Variants in SMARCA2 observed in about 807,000 individuals in gnomAD.
SMARCA2 encodes the protein SWI/SNF related BAF chromatin remodeling complex subunit ATPase 2.
Under a neutral mutation model 199.8 loss-of-function variants are expected in SMARCA2, and 61 were observed. That is an observed-to-expected ratio of 0.31 (90% confidence interval 0.25 to 0.38). The LOEUF (loss-of-function observed/expected upper bound fraction) is 0.38, where lower values mean the gene tolerates loss of function less well. SMARCA2 is among the 10% of genes least tolerant of loss of function. The pLI, the probability that SMARCA2 is intolerant of heterozygous loss-of-function variation, is 1.00. For missense variants in SMARCA2, 1,344 were observed against 2,012.2 expected, an observed-to-expected ratio of 0.67 and a Z score of 6.35; for synonymous variants, 935 against 732.0, an observed-to-expected ratio of 1.28 and a Z score of -4.48.
At chr9:2,044,826 ATCTC>A (rs967061691) in intron 4 of SMARCA2, 13 of 152,292 alleles carry the variant, frequency 8.5e-5, no homozygotes, top group Admixed American at 6.5e-4. Context: ...AGATGTTTGA[ATCTC>A]TCTCTGTCTT....
intron 1 of SMARCA2, among the ~76,000 whole-genome samples, chr9:2,022,470 T>G (rs530519072): frequency 1.3e-3 from 201 of 152,296 alleles, no homozygotes; most frequent in Non-Finnish European, 2.2e-3. Flanking sequence ...TATTATCCAT[T>G]TTAACTGCAA....
chr9:2,146,950 C>G (rs999529903), intron 27 of SMARCA2, among the ~76,000 whole-genome samples: 5 of 152,158 alleles, frequency 3.3e-5, no homozygotes, highest in Non-Finnish European at 7.3e-5. Flanking sequence ...CCATCTCATC[C>G]TGTGACTGAC....
At chr9:2,145,304 CAAAAAAAAAAA>C (rs56314428) in intron 27 of SMARCA2, among the ~76,000 whole-genome samples, 38,899 of 132,092 alleles carry the variant, frequency 0.29, 5,213 homozygotes, top group Middle Eastern at 0.44. Flanking sequence ...ACTCTTGTCT[CAAAAAAAAAAA>C]AAAAAAAAAA....
At chr9:2,152,599 C>G (rs1397376410) in intron 27 of SMARCA2, among the ~76,000 whole-genome samples, 17 of 150,844 alleles carry the variant, frequency 1.1e-4, no homozygotes, top group Admixed American at 1.1e-3. Context: ...CACCTGTAAT[C>G]CCAGCGCTTT....
At chr9:2,153,706 A>T (rs917429144) in intron 27 of SMARCA2, among the ~76,000 whole-genome samples, 7 of 152,202 alleles carry the variant, frequency 4.6e-5, no homozygotes, top group Non-Finnish European at 1.0e-4. Flanking sequence ...GTTTAGACAT[A>T]AATTTTTTAA....
At chr9:2,111,628 G>A (rs565862133) in intron 24 of SMARCA2, among the ~76,000 whole-genome samples, 30 of 152,212 alleles carry the variant, frequency 2.0e-4, no homozygotes, top group Non-Finnish European at 4.4e-4. Flanking sequence ...ACTGGGTTGC[G>A]AAGACTGAGT....
intron 27 of SMARCA2, chr9:2,157,744 C>T (rs1466799923): frequency 5.1e-6 from 2 of 393,196 alleles, no homozygotes; most frequent in Non-Finnish European, 9.0e-6. Context: ...TTGCGTGTCC[C>T]TGTTTACCTA....
intron 17 of SMARCA2, among the ~76,000 whole-genome samples, chr9:2,084,754 T>C (rs1821727239): frequency 6.6e-6 from 1 of 152,170 alleles, no homozygotes; most frequent in Non-Finnish European, 1.5e-5. Context: ...TTAAGGTTGT[T>C]TCTGTGACTA....
chr9:2,035,654 A>C (rs1819298109), intron 3 of SMARCA2, among the ~76,000 whole-genome samples: 1 of 152,160 alleles, frequency 6.6e-6, no homozygotes, highest in South Asian at 2.1e-4. Flanking sequence ...TTGTTCAATT[A>C]GGTGTGGAAG....
intron 1 of SMARCA2, among the ~76,000 whole-genome samples, chr9:2,026,329 T>C (rs1361064475): frequency 1.3e-5 from 2 of 152,240 alleles, no homozygotes; most frequent in East Asian, 3.8e-4. Flanking sequence ...GTTTCCTATA[T>C]AACACGTTCC....
At chr9:2,148,622 G>A (rs1175142855) in intron 27 of SMARCA2, among the ~76,000 whole-genome samples, 1 of 151,292 alleles carries the variant, frequency 6.6e-6, no homozygotes, top group Non-Finnish European at 1.5e-5. Context: ...GGTATAAGGA[G>A]ATGTTTTCTT....
chr9:2,107,816 C>T (rs1822826238), intron 23 of SMARCA2, among the ~76,000 whole-genome samples: 1 of 152,136 alleles, frequency 6.6e-6, no homozygotes, highest in Non-Finnish European at 1.5e-5. Flanking sequence ...GCCAGATCCA[C>T]GTCTGTTCTG....
At chr9:2,036,099 C>A (rs1819317812) in intron 3 of SMARCA2, among the ~76,000 whole-genome samples, 1 of 151,932 alleles carries the variant, frequency 6.6e-6, no homozygotes, top group African/African-American at 2.4e-5. Flanking sequence ...AATTGTGTAC[C>A]TTATGGTCCC....
At chr9:2,046,965 G>T (rs1361050540) in intron 4 of SMARCA2, among the ~76,000 whole-genome samples, 3 of 152,144 alleles carry the variant, frequency 2.0e-5, no homozygotes, top group Non-Finnish European at 4.4e-5. Flanking sequence ...TTCCCGATGG[G>T]GATAGATGCC....
At chr9:2,189,673 C>T (rs1827743724) in intron 32 of SMARCA2, among the ~76,000 whole-genome samples, 2 of 151,952 alleles carry the variant, frequency 1.3e-5, no homozygotes, top group African/African-American at 4.8e-5. Flanking sequence ...AAGCAAAGGG[C>T]CCCACCTTAT....
intron 29 of SMARCA2, 45 bp from the exon 30 acceptor site, chr9:2,181,526 A>C: frequency 1.1e-6 from 1 of 902,152 alleles, no homozygotes; most frequent in Non-Finnish European, 1.9e-6. Context: ...TTTCCTCAGT[A>C]ATGTTTGATG....
In SMARCA2 at chr9:2,039,383, G is replaced by T; in HGVS notation, c.356-83G>T. ...ATTTCTGTCAGACAGTGTTGCTGTGGACAATTATTAGAGTATTCAGGGATA... is the reference window on the plus strand; with the variant it reads ...ATTTCTGTCAGACAGTGTTGCTGTGTACAATTATTAGAGTATTCAGGGATA... On this transcript the variant is annotated intron_variant, in intron 3 of 33. Transcript: ENST00000349721. The surrounding 1 kb of genome is among the most constrained non-coding windows in gnomAD (Gnocchi z 4.8). The T allele has an allele frequency of 7.5e-7, 1 of 1,330,370 alleles. No homozygotes were observed. Among genetic ancestry groups the T allele is most frequent in the Non-Finnish European group, 1.0e-6 (1 of 962,928 alleles). The allele number at this position is 1,330,370 out of a possible 1,614,324, so 82.4% of individuals were successfully genotyped here.
chr9:2,026,079 G>A (rs1000333385), intron 1 of SMARCA2, among the ~76,000 whole-genome samples: 8 of 152,142 alleles, frequency 5.3e-5, no homozygotes, highest in East Asian at 3.8e-4. Context: ...GACCCCAGAC[G>A]AAAGGCACTT....
At chr9:2,037,931 A>G (rs934547746) in intron 3 of SMARCA2, among the ~76,000 whole-genome samples, 9 of 152,170 alleles carry the variant, frequency 5.9e-5, no homozygotes, top group East Asian at 1.9e-4. Flanking sequence ...TAGGAATTCT[A>G]TGGCCAAGCT....
Sources: gnomAD v4.1 joint callset for allele counts (sites outside exome capture counted in the v4.1 genomes callset) on GRCh38, gnomAD v4.1.1 for gene constraint, Gnocchi (gnomAD v3.1) non-coding constraint, MANE v1.5 for transcripts, NCBI Gene and HGNC (gene_info 2026-07-23, HGNC 2026-07-21) for gene names.